Variants in EMP2 observed in about 807,000 individuals in gnomAD.
The protein encoded by EMP2 is epithelial membrane protein 2.
A neutral mutation model predicts 13.7 loss-of-function variants in EMP2; 19 were observed. The ratio of observed to expected loss-of-function variants is 1.38; its 90% confidence interval spans 0.97 to 2.03. The LOEUF is 2.03. Ranked by LOEUF, EMP2 falls within the 30% of genes most tolerant of loss-of-function variation. The pLI, the probability that EMP2 is intolerant of heterozygous loss-of-function variation, is 0.00. For synonymous variants in EMP2, 97 were observed against 84.7 expected (o/e 1.15, Z -0.80); for missense variants, 253 against 220.7 (o/e 1.15, Z -0.93).
intron 1 of EMP2, among the ~76,000 whole-genome samples, chr16:10,577,433 C>A (rs955398190): frequency 6.6e-6 from 1 of 152,174 alleles, no homozygotes; most frequent in Non-Finnish European, 1.5e-5. Context: ...CTGTCCCTAA[C>A]AAGAGCCAGA....
intron 1 of EMP2, among the ~76,000 whole-genome samples, chr16:10,567,073 G>A (rs141046178): frequency 1.5e-3 from 231 of 152,262 alleles, no homozygotes; most frequent in African/African-American, 5.2e-3. Context: ...TCTAGTCTAC[G>A]TGATCTGCCT....
chr16:10,556,838 T>C (rs1269001292), intron 1 of EMP2, among the ~76,000 whole-genome samples: 1 of 152,182 alleles, frequency 6.6e-6, no homozygotes, highest in East Asian at 1.9e-4. Flanking sequence ...ATACAGGGCA[T>C]TTTTATACGA....
chr16:10,558,520 C>T (rs2050849277), intron 1 of EMP2, among the ~76,000 whole-genome samples: 1 of 151,886 alleles, frequency 6.6e-6, no homozygotes, highest in Admixed American at 6.6e-5. Flanking sequence ...ACGTCTAGCT[C>T]TGGGTGTGGA....
At chr16:10,572,812 C>G (rs1470876620) in intron 1 of EMP2, among the ~76,000 whole-genome samples, 1 of 152,182 alleles carries the variant, frequency 6.6e-6, no homozygotes, top group Non-Finnish European at 1.5e-5. Context: ...CCTGTCACCC[C>G]TCAGCAGACA....
At chr16:10,578,341 C>G (rs1301546680) in intron 1 of EMP2, among the ~76,000 whole-genome samples, 1 of 152,094 alleles carries the variant, frequency 6.6e-6, no homozygotes, top group Non-Finnish European at 1.5e-5. Context: ...ATGTGAGAGG[C>G]AGAGAAAAGA....
At chr16:10,562,038 T>C (rs2050874726) in intron 1 of EMP2, among the ~76,000 whole-genome samples, 1 of 152,098 alleles carries the variant, frequency 6.6e-6, no homozygotes, top group Non-Finnish European at 1.5e-5. Flanking sequence ...TTCCAGGAAA[T>C]TGAAGAGAAG....
At position 10,533,028 on chromosome 16, in the gene EMP2, G is replaced by A. The variant is rs1319406383; in HGVS notation, c.381C>T (p.Asn127=). The A allele has an allele frequency of 8.7e-6, 14 of 1,610,978 alleles. No individual in the cohort carries two copies. The highest frequency in any genetic ancestry group is 4.5e-5 in the East Asian group (2 of 44,746). ...CTCTGGTCACGGGATAGAATTTCGC[G>A]TTTTTGTCGTGAATGTCTTCACGCC... ...TDRREDIHDK[N]AKFYPVTREG... Residue 127 remains asparagine (N), a synonymous_variant, in exon 5 of 5, where the codon AAC becomes AAT. Coordinates refer to ENST00000359543, the MANE Select transcript of EMP2 (RefSeq NM_001424.6).
At chr16:10,572,783 C>T (rs991346778) in intron 1 of EMP2, among the ~76,000 whole-genome samples, 2 of 152,200 alleles carry the variant, frequency 1.3e-5, no homozygotes, top group African/African-American at 4.8e-5. Context: ...TGGCATCTGC[C>T]TACTGTCTTC....
rs550190264 is a variant in EMP2 at position 10,537,943 on chromosome 16, T to C, written c.301A>G (p.Ile101Val). The C allele has an allele frequency of 2.0e-5, 33 of 1,614,116 alleles. 1 individual carries two copies. The South Asian group carries it at 3.1e-4, about 15-fold the overall frequency. The stretch of plus-strand genomic sequence containing the variant: ...ATGTACTTACATGACATTAGCTGGA[T>C]GATGGAGGTTAGGACAAACCTCTCT... Reference protein sequence around the residue: ...QGERFVLTSIIQLMSCLCVMI... With the variant: ...QGERFVLTSIVQLMSCLCVMI... The change falls in exon 4 of 5, where the codon ATC (isoleucine) becomes GTC (valine). Residue 101 changes from isoleucine (I) to valine (V), a missense_variant. Ile to Val is a conservative substitution (Grantham distance 29, BLOSUM62 3). Coordinates refer to ENST00000359543, the MANE Select transcript of EMP2 (RefSeq NM_001424.6).
rs954338378 is a variant in EMP2, at chr16:10,580,530, G to A, written c.-61+19C>T. 1 of 152,384 alleles carries A rather than the reference G, an allele frequency of 6.6e-6. No individual in the cohort carries two copies. Among genetic ancestry groups the A allele is most frequent in the Non-Finnish European group, 1.5e-5 (1 of 68,182 alleles). The allele number at this position is 152,384 out of a possible 1,614,324, so 9.4% of individuals were successfully genotyped here. On this transcript the variant is annotated intron_variant, in intron 1 of 4. Transcript: ENST00000359543. The surrounding 1 kb of genome is among the most constrained non-coding windows in gnomAD (Gnocchi z 4.3). The stretch of plus-strand genomic sequence containing the variant: ...CCCCCCCGATGTCGCCCCGCGCCCT[G>A]GGTGCGCCCACAACTCACCCGGCGC...
At position 10,548,233 on chromosome 16, in the gene EMP2, C is replaced by T. The variant is rs144719433; in HGVS notation, c.-60-556G>A. On this transcript the variant is annotated intron_variant, in intron 1 of 4. Transcript: ENST00000359543. ...TCCCTAATTGAGAAAAGCATCACGT[C>T]TCTTGGGCAGGAAGGAGTGGCTCTG... Among the ~76,000 whole-genome samples, 721 of 152,282 alleles carry T rather than the reference C, an allele frequency of 4.7e-3. 3 individuals are homozygous for T. The highest frequency in any genetic ancestry group is 0.016 in the African/African-American group (668 of 41,550).
chr16:10,553,396 C>T (rs557092822), intron 1 of EMP2, among the ~76,000 whole-genome samples: 2 of 152,330 alleles, frequency 1.3e-5, no homozygotes, highest in African/African-American at 4.8e-5. Context: ...TCACTCATCT[C>T]TTCACACCTG....
At chr16:10,560,523 A>G (rs2050863704) in intron 1 of EMP2, among the ~76,000 whole-genome samples, 1 of 152,242 alleles carries the variant, frequency 6.6e-6, no homozygotes, top group South Asian at 2.1e-4. Context: ...CCGTTCTTTA[A>G]AAATGAAGCA....
Position 10,532,740 on chromosome 16 carries a change from A to AT in EMP2, c.*164dup, listed in dbSNP as rs35927182. 1.8e-4 allele frequency: 36 copies of AT among 203,062 alleles called. No homozygotes were observed. The highest frequency in any genetic ancestry group is 2.4e-4 in the Non-Finnish European group (32 of 130,910). The allele number at this position is 203,062 out of a possible 1,614,324, so 12.6% of individuals were successfully genotyped here. A position where few individuals can be genotyped will look rare whatever the true frequency, so the allele number is the denominator to read the frequency against. ...ATGCAAAAACTCTTCTCTCTTTTGG[A>AT]TTTTTTTTTTCTTTTTTCTTTTTTT... is the stretch of plus-strand genomic sequence containing the variant. On this transcript the variant is annotated 3_prime_UTR_variant, in exon 5 of 5. Coordinates refer to ENST00000359543, the MANE Select transcript of EMP2 (RefSeq NM_001424.6).
chr16:10,568,479 AAC>A (rs1448410561), intron 1 of EMP2, among the ~76,000 whole-genome samples: 2 of 152,230 alleles, frequency 1.3e-5, no homozygotes, highest in Non-Finnish European at 1.5e-5. Context: ...TGGGAAAAAG[AAC>A]AGACTTATTT....
chr16:10,559,542 A>G (rs750723304), intron 1 of EMP2, among the ~76,000 whole-genome samples: 3 of 152,244 alleles, frequency 2.0e-5, no homozygotes, highest in Non-Finnish European at 4.4e-5. Flanking sequence ...GAATAATAAC[A>G]ACCACAATTT....
intron 1 of EMP2, among the ~76,000 whole-genome samples, chr16:10,579,715 C>T (rs13332173): frequency 1.4e-4 from 9 of 62,080 alleles, no homozygotes; most frequent in African/African-American, 5.0e-4. Context: ...GGTGCACACA[C>T]ACACACACAC....
At chr16:10,561,025 C>T (rs2050867653) in intron 1 of EMP2, among the ~76,000 whole-genome samples, 1 of 152,108 alleles carries the variant, frequency 6.6e-6, no homozygotes, top group African/African-American at 2.4e-5. Flanking sequence ...GATGGAGTAG[C>T]AGGAGGCAAA....
Position 10,530,950 on chromosome 16 carries a change from C to T in EMP2, c.*1955G>A, listed in dbSNP as rs888129067. The T allele has an allele frequency of 6.6e-6, 1 of 152,208 alleles. No homozygotes were observed. Among genetic ancestry groups the T allele is most frequent in the Non-Finnish European group, 1.5e-5 (1 of 68,052 alleles). 9.4% of individuals were successfully genotyped at this position (152,208 alleles called of 1,614,324 possible). On this transcript the variant is annotated 3_prime_UTR_variant, in exon 5 of 5. Transcript: ENST00000359543. The stretch of plus-strand genomic sequence containing the variant: ...AATAGGCACGCGTAAAGCAGCCTCC[C>T]TACCATGCCACAGGCCTCGATTTTG...
Sources: gnomAD v4.1 joint callset for allele counts (sites outside exome capture counted in the v4.1 genomes callset) on GRCh38, gnomAD v4.1.1 for gene constraint, Gnocchi (gnomAD v3.1) non-coding constraint, MANE v1.5 for transcripts, NCBI Gene and HGNC (gene_info 2026-07-23, HGNC 2026-07-21) for gene names.